ELFN2: variants seen among roughly 807,000 people sequenced by gnomAD.
ELFN2 encodes the protein protein phosphatase 1 regulatory subunit 29.
In ELFN2, 17 loss-of-function variants were observed where a neutral mutation model predicts 45.5. The ratio of observed to expected loss-of-function variants is 0.37; its 90% CI spans 0.26 to 0.56. The LOEUF (loss-of-function observed/expected upper bound fraction) is 0.56. Among genes scored for constraint, ELFN2 ranks in the 20% least tolerant of loss-of-function variants. The pLI, the probability that ELFN2 is intolerant of heterozygous loss-of-function variation, is 0.77. For missense variants in ELFN2, 922 were observed against 1,183.2 expected (o/e 0.78, Z 3.24); for synonymous variants, 550 against 551.5 (o/e 1.00, Z 0.04).
chr22:37,411,708 T>G (rs1932653674), intron 2 of ELFN2, among the ~76,000 whole-genome samples: 1 of 152,188 alleles, frequency 6.6e-6, no homozygotes, highest in Non-Finnish European at 1.5e-5. Context: ...CTATGGGTTC[T>G]CAGTAGCTTC....
At position 37,373,489 on chromosome 22, in the gene ELFN2, C is replaced by G. The variant is rs373287422; in HGVS notation, c.2046G>C (p.Ala682=). The G allele has an allele frequency of 1.3e-6, 2 of 1,547,100 alleles. No individual in the cohort carries two copies. The highest frequency in any genetic ancestry group is 1.2e-5 in the South Asian group (1 of 84,632). Reference sequence around the variant, plus strand: ...CCCCGCCGCTGCCCCCGCCGCTGCCCGCCGGCACCAGCGGGAGCCGGTCCA... The same window carrying G: ...CCCCGCCGCTGCCCCCGCCGCTGCCGGCCGGCACCAGCGGGAGCCGGTCCA... The part of the protein sequence containing the change: ...SPLDRLPLVP[A]GSGGGSGGGG... The change falls in exon 3 of 3, where the codon GCG becomes GCC. Residue 682 remains alanine, a synonymous_variant. Transcript: ENST00000402918.
Position 37,375,325 on chromosome 22 carries a change from C to G in ELFN2, c.210G>C (p.Val70=). The G allele has an allele frequency of 6.2e-7, 1 of 1,614,066 alleles. No homozygotes were observed. The highest frequency in any genetic ancestry group is 8.5e-7 in the Non-Finnish European group (1 of 1,180,022). ...CAAAGCGGTTGAGCGAGGAGTAGAG[C>G]ACGGCTTTGAGCTTGTTCTCGTTGA... ...LRLNENKLKA[V]LYSSLNRFGN... The change falls in exon 3 of 3, where the codon GTG becomes GTC. Residue 70 remains valine (V), a synonymous_variant. Transcript: ENST00000402918.
chr22:37,349,416 C>A (rs1930772989), intron 1 of ELFN2, among the ~76,000 whole-genome samples: 1 of 151,234 alleles, frequency 6.6e-6, no homozygotes, highest in African/African-American at 2.4e-5. Flanking sequence ...GGCAGCCCGG[C>A]CTACTTCTCA....
rs556139963 is a variant in ELFN2 at position 37,406,611 on chromosome 22, C to A, written c.-463+11158G>T. On this transcript the variant is annotated intron_variant, in intron 2 of 2. Transcript: ENST00000402918. ...TCCCGTCCCCCGCTCTGCATCTGCT[C>A]AATTAGGGAAACTGGGGAGCGAGGG... Among the ~76,000 whole-genome samples, 203 of 152,308 alleles carry A rather than the reference C, an allele frequency of 1.3e-3. 2 individuals carry two copies. Among genetic ancestry groups the A allele is most frequent in the Non-Finnish European group, 2.9e-4 (20 of 68,004 alleles).
chr22:37,370,966 G>A lies in ELFN2; in HGVS notation c.*2106C>T, dbSNP rs1172124705. ...CTCAGTTGTGCCAAGGGGGTGTGAG[G>A]AGGGGTTGGGGGGCAGGTTTTGGGG... is the stretch of plus-strand genomic sequence containing the variant. On this transcript the variant is annotated 3_prime_UTR_variant, in exon 3 of 3. Transcript: ENST00000402918. The A allele has an allele frequency of 6.6e-6, 1 of 151,752 alleles. No individual in the cohort carries two copies. The highest frequency in any genetic ancestry group is 1.5e-5 in the Non-Finnish European group (1 of 67,886). The allele number at this position is 151,752 out of a possible 1,614,324, so 9.4% of individuals were successfully genotyped here.
chr22:37,343,937 G>C (rs1234058190), intron 1 of ELFN2, among the ~76,000 whole-genome samples: 2 of 151,924 alleles, frequency 1.3e-5, no homozygotes, highest in Admixed American at 6.6e-5. Context: ...CGCTGTCAAA[G>C]AGGGAGTGGG....
At chr22:37,418,702 G>C (rs553450315) in intron 1 of ELFN2, among the ~76,000 whole-genome samples, 1 of 152,072 alleles carries the variant, frequency 6.6e-6, no homozygotes, top group East Asian at 1.9e-4. Context: ...GGGCCCCAGG[G>C]AACAAAGACA....
At chr22:37,405,154 G>A (rs1601765151) in intron 2 of ELFN2, among the ~76,000 whole-genome samples, 1 of 143,688 alleles carries the variant, frequency 7.0e-6, no homozygotes, top group Non-Finnish European at 1.5e-5. Context: ...GTGCAATGGC[G>A]TGATCTCGGC....
At chr22:37,414,417 C>G (rs754645) in intron 2 of ELFN2, among the ~76,000 whole-genome samples, 30,856 of 152,054 alleles carry the variant, frequency 0.2, 4,560 homozygotes, top group African/African-American at 0.42. Context: ...GGTCAAAGGC[C>G]AGTGAATCAA....
intron 2 of ELFN2, among the ~76,000 whole-genome samples, chr22:37,401,413 T>C (rs1932357927): frequency 7.3e-6 from 1 of 136,864 alleles, no homozygotes; most frequent in Non-Finnish European, 1.7e-5. Context: ...TGGGGCCTCC[T>C]GCACATTCTC....
chr22:37,419,276 C>T (rs1346754073), intron 1 of ELFN2, among the ~76,000 whole-genome samples: 1 of 151,950 alleles, frequency 6.6e-6, no homozygotes, highest in Non-Finnish European at 1.5e-5. Flanking sequence ...CACAATTGAC[C>T]CTCAGCCCCT....
chr22:37,401,062 T>C (rs1035515098), intron 2 of ELFN2, among the ~76,000 whole-genome samples: 24 of 151,806 alleles, frequency 1.6e-4, no homozygotes, highest in Non-Finnish European at 2.9e-4. Context: ...TCCAAGGGAG[T>C]CAGTCAAACA....
chr22:37,357,632 C>T (rs1197147629), intron 1 of ELFN2, among the ~76,000 whole-genome samples: 4 of 152,208 alleles, frequency 2.6e-5, no homozygotes, highest in Admixed American at 6.5e-5. Context: ...ATGGGCCCAG[C>T]TCAACACGTG....
intron 2 of ELFN2, among the ~76,000 whole-genome samples, chr22:37,399,951 A>G (rs1932321518): frequency 6.6e-6 from 1 of 152,152 alleles, no homozygotes; most frequent in African/African-American, 2.4e-5. Flanking sequence ...CATCATTCGC[A>G]AAGGACAGAG....
intron 1 of ELFN2, among the ~76,000 whole-genome samples, chr22:37,348,676 C>T (rs1930751612): frequency 6.6e-6 from 1 of 150,766 alleles, no homozygotes; most frequent in Non-Finnish European, 1.5e-5. Flanking sequence ...GAAGGACACT[C>T]AGGGGCTTCC....
Position 37,405,807 on chromosome 22 carries a change from G to T in ELFN2, c.-463+11962C>A, listed in dbSNP as rs1375065351. Among the ~76,000 whole-genome samples the T allele has an allele frequency of 6.0e-5, 9 of 150,138 alleles. No homozygotes were observed. In the East Asian group the frequency reaches 1.5e-3, roughly 26 times the overall value. On this transcript the variant is annotated intron_variant, in intron 2 of 2. Transcript: ENST00000402918. ...AGTCATCTCACTTCTCTGAGCCCCA[G>T]GTTCCTCCCTTTAGGAAAAAAAAAA... is the stretch of plus-strand genomic sequence containing the variant.
rs753049260 is a variant in ELFN2 at position 37,373,818 on chromosome 22, C to T, written c.1717G>A (p.Glu573Lys). Residue 573 changes from glutamate (E) to lysine (K), a missense_variant, in exon 3 of 3, where the codon GAG becomes AAG. Physicochemically the swap from Glu to Lys is moderately conservative, Grantham distance 56 (BLOSUM62 1). Around this residue, in one of 2 missense-constraint regions of ELFN2, gnomAD observed 564 missense variants for 642.8 expected, o/e 0.88. Transcript: ENST00000402918. ...LGGGSSSGDPELAFECQSLPA... is the reference protein window; with the variant it reads ...LGGGSSSGDPKLAFECQSLPA... ...AGGGACTGGCACTCGAAGGCCAGCT[C>T]GGGGTCCCCACTGCTGCTGCCGCCT... 13 of 1,612,534 alleles carry T rather than the reference C, an allele frequency of 8.1e-6. No individual in the cohort carries two copies. The highest frequency in any genetic ancestry group is 5.0e-5 in the Admixed American group (3 of 59,990).
intron 2 of ELFN2, among the ~76,000 whole-genome samples, chr22:37,395,947 C>G (rs1311078736): frequency 6.6e-6 from 1 of 152,190 alleles, no homozygotes; most frequent in Non-Finnish European, 1.5e-5. Flanking sequence ...GTCACGGACA[C>G]AGCTGAGCCC....
At chr22:37,389,838 A>C (rs146127548) in intron 2 of ELFN2, among the ~76,000 whole-genome samples, 2 of 152,294 alleles carry the variant, frequency 1.3e-5, no homozygotes, top group Admixed American at 6.5e-5. Flanking sequence ...GGCCTGGCGC[A>C]TAGTAGGCAC....
Sources: gnomAD v4.1 joint callset for allele counts (sites outside exome capture counted in the v4.1 genomes callset) on GRCh38, gnomAD v4.1.1 for gene constraint, gnomAD v4.1.1 regional missense constraint, MANE v1.5 for transcripts, NCBI Gene and HGNC (gene_info 2026-07-23, HGNC 2026-07-21) for gene names.